The following DDI2 variants were observed in gnomAD, a reference collection of about 807,000 sequenced individuals.
DDI2 encodes DDI proteasomal shuttling factor 2, also known as protein DDI1 homolog 2.
A neutral mutation model predicts 48.1 loss-of-function variants in DDI2; 5 were observed. The ratio of observed to expected loss-of-function variants is 0.10; its 90% CI spans 0.05 to 0.22. The LOEUF is 0.22. Ranked by LOEUF, DDI2 falls within the 10% of genes least tolerant of loss-of-function variation. The pLI, the probability that DDI2 is intolerant of heterozygous loss-of-function variation, is 1.00. For missense variants in DDI2, 285 were observed against 506.2 expected (o/e 0.56, Z 4.19); for synonymous variants, 205 against 183.6 (o/e 1.12, Z -0.94).
intron 4 of DDI2, 105 bp downstream of exon 4, chr1:15,633,670 T>A (rs1639882355): frequency 6.5e-7 from 1 of 1,547,908 alleles, no homozygotes; most frequent in Admixed American, 1.7e-5. Flanking sequence ...AGCTTCTCTG[T>A]TTTGCAGTTG....
At chr1:15,643,421 G>A in intron 5 of DDI2, 101 bp from the exon 6 acceptor site, 1 of 1,507,214 alleles carries the variant, frequency 6.6e-7, no homozygotes, top group Non-Finnish European at 8.9e-7. Context: ...AAGCCTTGGG[G>A]TGTGCTTGGT....
intron 1 of DDI2, 146 bp downstream of exon 1, chr1:15,617,954 G>A (rs1199258613): frequency 6.4e-6 from 8 of 1,244,958 alleles, no homozygotes; most frequent in Non-Finnish European, 8.5e-6. Flanking sequence ...ATCCGGAAAG[G>A]AGCTGGGGAG....
Position 15,617,907 on chromosome 1 carries a change from G to C in DDI2, c.138+99G>C, listed in dbSNP as rs114986778. The C allele has an allele frequency of 1.8e-3, 2,498 of 1,378,662 alleles. 42 individuals are homozygous for C. In the African/African-American group the frequency reaches 0.029, roughly 16 times the overall value. The allele number at this position is 1,378,662 out of a possible 1,614,324, so 85.4% of individuals were successfully genotyped here. On this transcript the variant is annotated intron_variant, in intron 1 of 9. Transcript: ENST00000480945. ...GCTACTGGTGAAGAATTGGGGGCTGGGGGGAGCAAGGATAGCCATTCTCAG... is the reference window on the plus strand; with the variant it reads ...GCTACTGGTGAAGAATTGGGGGCTGCGGGGAGCAAGGATAGCCATTCTCAG...
rs533756473 is a variant in DDI2 at position 15,628,697 on chromosome 1, A to G, written c.269-1628A>G. On this transcript the variant is annotated intron_variant, in intron 2 of 9. Coordinates refer to ENST00000480945, the MANE Select transcript of DDI2 (RefSeq NM_032341.5). ...CTCCTTGTTTACTTTTCTCTTTTTCATTTTTCTTTTTTAAATAACAGTTTT... is the reference window on the plus strand; with the variant it reads ...CTCCTTGTTTACTTTTCTCTTTTTCGTTTTTCTTTTTTAAATAACAGTTTT... 6.6e-5 allele frequency among the ~76,000 whole-genome samples: 10 copies of G among 151,710 alleles called. No individual in the cohort carries two copies. The East Asian group carries it at 1.7e-3, about 26-fold the overall frequency.
intron 4 of DDI2, chr1:15,633,926 T>C (rs1639886743): frequency 1.4e-5 from 6 of 424,076 alleles, no homozygotes; most frequent in South Asian, 1.0e-4. Context: ...GATTTGACTC[T>C]CTTTCTTTAG....
chr1:15,655,986 A>G (rs945380326), intron 8 of DDI2, among the ~76,000 whole-genome samples: 2 of 151,864 alleles, frequency 1.3e-5, no homozygotes, highest in African/African-American at 4.8e-5. Context: ...TAAACTCTAT[A>G]TTAAAATGTT....
rs757959080 is a variant in DDI2 at position 15,661,648 on chromosome 1, T to G, written c.*1858T>G. ...TACTTTGCAGGAAGCTCTTGGAGCT[T>G]TGCATCGAGTTGGTGGGAATGCAGA... On this transcript the variant is annotated 3_prime_UTR_variant, in exon 10 of 10. Transcript: ENST00000480945. 6.2e-7 allele frequency: 1 copy of G among 1,614,204 alleles called. No individual in the cohort carries two copies. The highest frequency in any genetic ancestry group is 8.5e-7 in the Non-Finnish European group (1 of 1,180,030).
Position 15,649,820 on chromosome 1 carries a change from C to A in DDI2, c.990C>A (p.His330Gln). The part of the protein sequence containing the change: ...MLLGLDMLKR[H>Q]QCSIDLKKNV... ...TGGGACTGGACATGCTTAAACGGCA[C>A]CAGGTAATTAAGAGCTTCACTTATT... is the stretch of plus-strand genomic sequence containing the variant. Residue 330 changes from histidine (H) to glutamine (Q), a missense_variant, in exon 7 of 10, where the codon CAC becomes CAA. Physicochemically the swap from His to Gln is conservative, Grantham distance 24 (BLOSUM62 0). Around this residue, in one of 3 missense-constraint regions of DDI2, gnomAD observed 66 missense variants for 87.3 expected, o/e 0.76. Transcript: ENST00000480945. The A allele has an allele frequency of 6.2e-7, 1 of 1,607,710 alleles. No individual in the cohort carries two copies. The highest frequency in any genetic ancestry group is 8.5e-7 in the Non-Finnish European group (1 of 1,178,016).
chr1:15,660,675 T>C lies in DDI2; in HGVS notation c.*885T>C, dbSNP rs147683810. ...TGCTTAATTCAACAGGCAGGCAGAA[T>C]GCCAATGTCAAGAACATTGGTGCAT... On this transcript the variant is annotated 3_prime_UTR_variant, in exon 10 of 10. Coordinates refer to ENST00000480945, the MANE Select transcript of DDI2 (RefSeq NM_032341.5). 1.9e-6 allele frequency: 3 copies of C among 1,614,232 alleles called. No individual in the cohort carries two copies. The highest frequency in any genetic ancestry group is 2.5e-6 in the Non-Finnish European group (3 of 1,180,046).
rs1639758418 is a variant in DDI2, at chr1:15,626,589, C to G, written c.139-80C>G. On this transcript the variant is annotated intron_variant, in intron 1 of 9. Transcript: ENST00000480945. ...TTTGAAAGGAGGGTGACATCTGATTCAGGGGAAAACTGGTCCTTCTGCCTT... is the reference window on the plus strand; with the variant it reads ...TTTGAAAGGAGGGTGACATCTGATTGAGGGGAAAACTGGTCCTTCTGCCTT... The G allele has an allele frequency of 5.1e-6, 8 of 1,572,128 alleles. No individual in the cohort carries two copies. The East Asian group carries it at 1.1e-4, about 22-fold the overall frequency.
chr1:15,667,537 A>G lies in DDI2; in HGVS notation c.*7747A>G, dbSNP rs966003356. 1.3e-5 allele frequency: 2 copies of G among 152,248 alleles called. No individual in the cohort carries two copies. Among genetic ancestry groups the G allele is most frequent in the Non-Finnish European group, 2.9e-5 (2 of 68,058 alleles). 9.4% of individuals were successfully genotyped at this position (152,248 alleles called of 1,614,324 possible). A position where few individuals can be genotyped will look rare whatever the true frequency, so the allele number is the denominator to read the frequency against. ...AGCAGAGGGTTCTGCAGGATGTGCT[A>G]TTTTAAAGCAGCTGGGTGCAACTTG... On this transcript the variant is annotated 3_prime_UTR_variant, in exon 10 of 10. Transcript: ENST00000480945.
At chr1:15,655,598 C>G (rs908734570) in intron 8 of DDI2, among the ~76,000 whole-genome samples, 1 of 151,812 alleles carries the variant, frequency 6.6e-6, no homozygotes, top group African/African-American at 2.4e-5. Context: ...ACTAAAAATA[C>G]AAAAATTAGC....
intron 1 of DDI2, among the ~76,000 whole-genome samples, 192 bp downstream of exon 1, chr1:15,618,000 TG>T (rs993440616): frequency 2.0e-5 from 3 of 152,260 alleles, no homozygotes; most frequent in East Asian, 1.9e-4. Context: ...ACTCCGAGCA[TG>T]GGGTGGGGTA....
chr1:15,655,346 T>C (rs1255625798), intron 8 of DDI2, among the ~76,000 whole-genome samples: 1 of 152,132 alleles, frequency 6.6e-6, no homozygotes, highest in Non-Finnish European at 1.5e-5. Flanking sequence ...TGGCCAAGCA[T>C]GGTGGCTCAT....
At chr1:15,643,465 A>G in intron 5 of DDI2, 57 bp from the exon 6 acceptor site, 1 of 1,595,686 alleles carries the variant, frequency 6.3e-7, no homozygotes. Context: ...CTATATTTTG[A>G]GTCTTCTCAC....
At chr1:15,659,627 T>G (rs1640328273) in intron 9 of DDI2, among the ~76,000 whole-genome samples, 1 of 152,240 alleles carries the variant, frequency 6.6e-6, no homozygotes, top group African/African-American at 2.4e-5. Context: ...ATGCAGATTT[T>G]ATTAAGAACA....
intron 3 of DDI2, 126 bp downstream of exon 3, chr1:15,630,687 G>C (rs1639829244): frequency 1.4e-6 from 1 of 700,516 alleles, no homozygotes; most frequent in Non-Finnish European, 2.5e-6. Flanking sequence ...TTTTTTCTCT[G>C]TGAGAGGTAA....
Position 15,633,550 on chromosome 1 carries a change from TAGA to T in DDI2, c.624_626del (p.Glu208del). ...TTTGACCTTGAAGCTCAGGCAAAGA[TAGA>T]AGAAGATATAAGGTAAAGACCTGTT... On this transcript the variant is annotated inframe_deletion, in exon 4 of 10. Coordinates refer to ENST00000480945, the MANE Select transcript of DDI2 (RefSeq NM_032341.5). 6.2e-7 allele frequency: 1 copy of T among 1,613,094 alleles called. No homozygotes were observed. The highest frequency in any genetic ancestry group is 8.5e-7 in the Non-Finnish European group (1 of 1,179,330).
intron 9 of DDI2, among the ~76,000 whole-genome samples, chr1:15,659,572 A>G (rs918694086): frequency 6.6e-6 from 1 of 152,238 alleles, no homozygotes; most frequent in African/African-American, 2.4e-5. Context: ...CCCCGCCATT[A>G]TGTGAATGCA....
Sources: allele counts gnomAD v4.1 joint callset (sites outside exome capture counted in the v4.1 genomes callset), GRCh38; gene constraint gnomAD v4.1.1; regional missense constraint gnomAD v4.1.1; transcripts MANE v1.5; gene names NCBI Gene and HGNC (gene_info 2026-07-23, HGNC 2026-07-21).